Variants in NAV1 observed in about 807,000 individuals in gnomAD.
NAV1 encodes neuron navigator 1.
Under a neutral mutation model 175.2 loss-of-function variants are expected in NAV1, and 18 were observed. That is an observed-to-expected ratio of 0.10 (90% CI 0.07 to 0.15). The LOEUF (loss-of-function observed/expected upper bound fraction) is 0.15, where lower values mean the gene tolerates loss of function less well. Ranked by LOEUF, NAV1 falls within the 10% of genes least tolerant of loss-of-function variation. The pLI is 1.00. For synonymous variants in NAV1, 897 were observed against 978.7 expected, an observed-to-expected ratio of 0.92 and a Z score of 1.56; for missense variants, 1,731 against 2,436.6, an observed-to-expected ratio of 0.71 and a Z score of 6.10.
chr1:201,549,133 T>C (rs535038700), intron 1 of NAV1, among the ~76,000 whole-genome samples: 34 of 144,342 alleles, frequency 2.4e-4, no homozygotes, highest in African/African-American at 6.9e-4. Context: ...CTTTCTTTCT[T>C]TCTTTCTTTC....
intron 2 of NAV1, among the ~76,000 whole-genome samples, chr1:201,631,489 A>T (rs1262491349): frequency 2.6e-5 from 4 of 152,234 alleles, no homozygotes; most frequent in African/African-American, 9.6e-5. Flanking sequence ...ACTGTGCTTG[A>T]CACTGGGGTA....
At chr1:201,674,888 C>T (rs1248544937) in intron 1 of NAV1, among the ~76,000 whole-genome samples, 1 of 151,956 alleles carries the variant, frequency 6.6e-6, no homozygotes, top group Non-Finnish European at 1.5e-5. Flanking sequence ...AATACACACA[C>T]ACATAGCTGG....
intron 1 of NAV1, among the ~76,000 whole-genome samples, chr1:201,674,896 TG>T (rs1309674592): frequency 6.6e-6 from 1 of 151,774 alleles, no homozygotes; most frequent in Non-Finnish European, 1.5e-5. Context: ...CACACATAGC[TG>T]GGTGTGGTGG....
intron 2 of NAV1, among the ~76,000 whole-genome samples, chr1:201,610,748 G>A (rs964533479): frequency 1.3e-5 from 2 of 152,184 alleles, no homozygotes; most frequent in Non-Finnish European, 2.9e-5. Flanking sequence ...GGCTAGGCTT[G>A]GAGTAAGAGG....
Position 201,718,402 on chromosome 1 carries a change from G to C in NAV1, c.873G>C (p.Met291Ile), listed in dbSNP as rs1377745445. ...GCTCTCCACCCAGCTCCCTGGAGATGACCTGCTACGACAGCGATGATGCCA... is the reference window on the plus strand; with the variant it reads ...GCTCTCCACCCAGCTCCCTGGAGATCACCTGCTACGACAGCGATGATGCCA... The change falls in exon 3 of 30, where the codon ATG becomes ATC. Residue 291 changes from methionine (M) to isoleucine (I), a missense_variant. By Grantham distance (10) the Met-to-Ile change is conservative. Coordinates refer to ENST00000367296, the Ensembl canonical transcript of NAV1. This position sits in a 1 kb window ranked among gnomAD's most constrained non-coding sequence, Gnocchi z 4.8. The C allele has an allele frequency of 6.5e-7, 1 of 1,539,882 alleles. No individual in the cohort carries two copies.
intron 1 of NAV1, among the ~76,000 whole-genome samples, chr1:201,584,741 T>C (rs1407389637): frequency 6.6e-6 from 1 of 152,302 alleles, no homozygotes; most frequent in East Asian, 1.9e-4. Flanking sequence ...GCTGGGCCAG[T>C]CCAGATGCTC....
At chr1:201,633,009 A>G (rs1186348419) in intron 2 of NAV1, among the ~76,000 whole-genome samples, 3 of 152,206 alleles carry the variant, frequency 2.0e-5, no homozygotes, top group African/African-American at 7.2e-5. Flanking sequence ...GGGGGTTTCA[A>G]ACCAAATCCA....
chr1:201,820,361 T>G (rs1679312566), exon 30 of NAV1: 1 of 154,342 alleles, frequency 6.5e-6, no homozygotes, highest in South Asian at 2.0e-4. Flanking sequence ...GGCAGGAAGC[T>G]CCTCAGATTT....
chr1:201,782,933 C>A lies in NAV1; in HGVS notation c.2357+64C>A. 1 of 1,396,228 alleles carries A rather than the reference C, an allele frequency of 7.2e-7. No individual in the cohort carries two copies. Among genetic ancestry groups the A allele is most frequent in the Non-Finnish European group, 9.7e-7 (1 of 1,025,886 alleles). The allele number at this position is 1,396,228 out of a possible 1,614,324, so 86.5% of individuals were successfully genotyped here. ...TTGTCATTCTTTCGCATATCTCTGC[C>A]CTCCTTGGACTAGATGAGGCATGGC... On this transcript the variant is annotated intron_variant, in intron 6 of 29. Transcript: ENST00000367296. This position sits in a 1 kb window ranked among gnomAD's most constrained non-coding sequence, Gnocchi z 5.4.
At chr1:201,741,528 C>T (rs1225067931) in intron 3 of NAV1, among the ~76,000 whole-genome samples, 1 of 152,088 alleles carries the variant, frequency 6.6e-6, no homozygotes, top group Non-Finnish European at 1.5e-5. Context: ...TGTTCATAAC[C>T]TCCTCTCCTC....
intron 1 of NAV1, among the ~76,000 whole-genome samples, chr1:201,549,649 A>C (rs957623473): frequency 6.6e-6 from 1 of 151,872 alleles, no homozygotes; most frequent in Non-Finnish European, 1.5e-5. Context: ...AGCAGAGCTC[A>C]ATATACTTAG....
intron 3 of NAV1, among the ~76,000 whole-genome samples, chr1:201,774,425 A>G (rs1383971034): frequency 1.3e-5 from 2 of 152,152 alleles, no homozygotes; most frequent in African/African-American, 4.8e-5. Context: ...CTTACACCTC[A>G]ACCAGTCATA....
intron 3 of NAV1, among the ~76,000 whole-genome samples, chr1:201,721,787 C>T (rs952567637): frequency 4.6e-5 from 7 of 152,174 alleles, no homozygotes; most frequent in Non-Finnish European, 7.3e-5. Flanking sequence ...GTGACATAAT[C>T]GGCTCCAAGC....
rs1270535561 is a variant in NAV1, at chr1:201,787,741, G to A, written c.2996-727G>A. On this transcript the variant is annotated intron_variant, in intron 9 of 29. Coordinates refer to ENST00000367296, the Ensembl canonical transcript of NAV1. This position sits in a 1 kb window ranked among gnomAD's most constrained non-coding sequence, Gnocchi z 4.3. ...TCCTTGTGGGTATGAAACCCTGAAA[G>A]GCTGTAATCCCAGCAATGGGCAAAG... 6 of 456,026 alleles carry A rather than the reference G, an allele frequency of 1.3e-5. No homozygotes were observed. Among genetic ancestry groups the A allele is most frequent in the Non-Finnish European group, 2.2e-5 (5 of 226,832 alleles). The allele number at this position is 456,026 out of a possible 1,614,324, so 28.2% of individuals were successfully genotyped here.
At chr1:201,600,541 G>A (rs1296282603) in intron 2 of NAV1, among the ~76,000 whole-genome samples, 5 of 152,308 alleles carry the variant, frequency 3.3e-5, no homozygotes, top group East Asian at 1.9e-4. Flanking sequence ...CAAATGTACC[G>A]TGGTTATGTA....
chr1:201,630,741 C>A (rs1242738943), intron 2 of NAV1, among the ~76,000 whole-genome samples: 3 of 152,150 alleles, frequency 2.0e-5, no homozygotes, highest in Non-Finnish European at 4.4e-5. Flanking sequence ...TGGCAGGGGA[C>A]AAAAGGAAAC....
At chr1:201,822,012 T>G (rs1212692072) in exon 30 of NAV1, 1 of 152,652 alleles carries the variant, frequency 6.6e-6, no homozygotes, top group Non-Finnish European at 1.5e-5. Flanking sequence ...AATCTTCATA[T>G]CGGTATATTA....
intron 2 of NAV1, among the ~76,000 whole-genome samples, chr1:201,590,827 G>A (rs1395286256): frequency 6.6e-6 from 1 of 152,200 alleles, no homozygotes; most frequent in Non-Finnish European, 1.5e-5. Context: ...GGAATGGGGT[G>A]GGATAGGTGT....
rs554129515 is a variant in NAV1, at chr1:201,713,251, A to C, written c.860+332A>C. On this transcript the variant is annotated intron_variant, in intron 2 of 29. Transcript: ENST00000367296. ...TCCTTCATTAGACCTCTGTCTCCTC[A>C]ATCTGTCAAGAGAAGGTTTACTAAA... is the stretch of plus-strand genomic sequence containing the variant. Among the ~76,000 whole-genome samples the C allele has an allele frequency of 4.0e-4, 61 of 152,264 alleles. No individual in the cohort carries two copies. The South Asian group carries it at 8.9e-3, about 22-fold the overall frequency.
Sources: allele counts gnomAD v4.1 joint callset (sites outside exome capture counted in the v4.1 genomes callset), GRCh38; gene constraint gnomAD v4.1.1; non-coding constraint Gnocchi (gnomAD v3.1); transcripts MANE v1.5; gene names NCBI Gene and HGNC (gene_info 2026-07-23, HGNC 2026-07-21).